Variants in USP42 observed in about 807,000 individuals in gnomAD.
USP42 encodes ubiquitin specific peptidase 42, also known as ubiquitin carboxyl-terminal hydrolase 42.
Under a neutral mutation model 113.0 loss-of-function variants are expected in USP42, and 23 were observed. That is an observed-to-expected ratio of 0.20 (90% CI 0.15 to 0.29). The LOEUF is 0.29. Ranked by LOEUF, USP42 falls within the 10% of genes least tolerant of loss-of-function variation. The pLI, the probability that USP42 is intolerant of heterozygous loss-of-function variation, is 1.00. For missense variants in USP42, 2,174 were observed against 1,779.8 expected, an observed-to-expected ratio of 1.22 and a Z score of -3.99; for synonymous variants, 933 against 699.0, an observed-to-expected ratio of 1.33 and a Z score of -5.28.
At chr7:6,110,109 T>C (rs966747590) in intron 1 of USP42, among the ~76,000 whole-genome samples, 2 of 150,012 alleles carry the variant, frequency 1.3e-5, no homozygotes, top group African/African-American at 2.5e-5. Context: ...GCTGCAATTA[T>C]AGGCATGAGC....
At chr7:6,140,323 T>A in intron 6 of USP42, 128 bp downstream of exon 6, 1 of 865,578 alleles carries the variant, frequency 1.2e-6, no homozygotes, top group South Asian at 1.7e-5. Context: ...TTCTCATTCC[T>A]TTTACCCAGA....
At position 6,150,237 on chromosome 7, in the gene USP42, T is replaced by G; in HGVS notation, c.2041T>G (p.Cys681Gly). Residue 681 changes from cysteine (C) to glycine (G), a missense_variant, in exon 13 of 18, where the codon TGC becomes GGC. Physicochemically the swap from Cys to Gly is radical, Grantham distance 159 (BLOSUM62 -3). Coordinates refer to ENST00000306177, the MANE Select transcript of USP42 (RefSeq NM_032172.3). Reference protein sequence around the residue: ...ENGLAPDGASCQGQPALHSEN... With the variant: ...ENGLAPDGASGQGQPALHSEN... ...CGGCCTAGCGCCTGATGGTGCCAGC[T>G]GCCAAGGCCAGCCTGCCCTGCACTC... The G allele has an allele frequency of 6.2e-7, 1 of 1,613,872 alleles. No homozygotes were observed. Among genetic ancestry groups the G allele is most frequent in the Non-Finnish European group, 8.5e-7 (1 of 1,179,892 alleles).
chr7:6,126,977 A>C (rs1780579635), intron 3 of USP42, among the ~76,000 whole-genome samples: 2 of 152,262 alleles, frequency 1.3e-5, no homozygotes, highest in Non-Finnish European at 2.9e-5. Flanking sequence ...GCTTCCTTGC[A>C]TCTTTGCCAA....
chr7:6,099,092 C>T, the USP42 span, among the ~76,000 whole-genome samples: 4 of 149,816 alleles, frequency 2.7e-5, no homozygotes, highest in African/African-American at 2.5e-5. Flanking sequence ...AGTCCTCTGC[C>T]TGGTTTTCAG....
Position 6,159,926 on chromosome 7 carries a change from G to A in USP42, c.*36+433G>A, listed in dbSNP as rs557631931. The stretch of plus-strand genomic sequence containing the variant: ...TCCCCTGTGCTGCTGTCTGCGCCCC[G>A]AGGTGGCACTGAGCTGGAGCCAGCA... On this transcript the variant is annotated intron_variant, in intron 17 of 17. Coordinates refer to ENST00000306177, the MANE Select transcript of USP42 (RefSeq NM_032172.3). The surrounding 1 kb of genome is among the most constrained non-coding windows in gnomAD (Gnocchi z 4.1). 3.3e-5 allele frequency among the ~76,000 whole-genome samples: 5 copies of A among 152,314 alleles called. No homozygotes were observed. The East Asian group carries it at 9.6e-4, about 29-fold the overall frequency.
At position 6,160,637 on chromosome 7, in the gene USP42, GCTT is replaced by G. The variant is rs1463300855; in HGVS notation, c.*123_*125del. 2 of 152,612 alleles carry G rather than the reference GCTT, an allele frequency of 1.3e-5. No homozygotes were observed. Among genetic ancestry groups the G allele is most frequent in the South Asian group, 2.1e-4 (1 of 4,836 alleles). 9.5% of individuals were successfully genotyped at this position (152,612 alleles called of 1,614,324 possible). The stretch of plus-strand genomic sequence containing the variant: ...ATAACTCTGTTCCAATCTGCGTGGT[GCTT>G]CTTTAGTAAATACTGTACAGATTTT... On this transcript the variant is annotated 3_prime_UTR_variant, in exon 18 of 18. Transcript: ENST00000306177.
In USP42 at chr7:6,154,067, T is replaced by A; in HGVS notation, c.2513T>A (p.Met838Lys). The change falls in exon 15 of 18, where the codon ATG becomes AAG. Residue 838 changes from methionine to lysine, a missense_variant. Physicochemically the swap from Met to Lys is moderately conservative, Grantham distance 95 (BLOSUM62 -1). Transcript: ENST00000306177. ...CCGTTGTCCCAGGACGCAAAGGGGA[T>A]GATCGCGGAGGGCCCGCGGGACTCG... is the stretch of plus-strand genomic sequence containing the variant. Reference protein sequence around the residue: ...ASPLSQDAKGMIAEGPRDSAL... With the variant: ...ASPLSQDAKGKIAEGPRDSAL... 6.2e-7 allele frequency: 1 copy of A among 1,606,142 alleles called. No individual in the cohort carries two copies. Among genetic ancestry groups the A allele is most frequent in the Non-Finnish European group, 8.5e-7 (1 of 1,179,294 alleles).
At chr7:6,100,190 T>G (rs1056858710), upstream of USP42, among the ~76,000 whole-genome samples, 9 of 150,006 alleles carry the variant, frequency 6.0e-5, no homozygotes, top group Admixed American at 2.0e-4. Flanking sequence ...TCCTATATCC[T>G]CAAAAACCAG....
chr7:6,082,641 C>G, the USP42 span, among the ~76,000 whole-genome samples: 10 of 120,306 alleles, frequency 8.3e-5, no homozygotes, highest in African/African-American at 3.1e-4. Context: ...GACACTGTCT[C>G]CCTCTGTCAC....
At chr7:6,108,077 T>A (rs1313497832) in intron 1 of USP42, among the ~76,000 whole-genome samples, 2 of 152,036 alleles carry the variant, frequency 1.3e-5, no homozygotes, top group East Asian at 3.9e-4. Context: ...CCAGCTACCC[T>A]GGAGGCTGAG....
At position 6,154,915 on chromosome 7, in the gene USP42, G is replaced by A; in HGVS notation, c.3361G>A (p.Ala1121Thr). 4 of 1,548,384 alleles carry A rather than the reference G, an allele frequency of 2.6e-6. No homozygotes were observed. Among genetic ancestry groups the A allele is most frequent in the Non-Finnish European group, 3.5e-6 (4 of 1,145,704 alleles). The change falls in exon 15 of 18, where the codon GCG (alanine) becomes ACG (threonine). Residue 1121 changes from alanine (A) to threonine (T), a missense_variant. Coordinates refer to ENST00000306177, the MANE Select transcript of USP42 (RefSeq NM_032172.3). Reference sequence around the variant, plus strand: ...CCGCCCCAGCAGCCCCCGCGCAGGCGCGCCCCACGCCCTCGCCCCGCACCC... The same window carrying A: ...CCGCCCCAGCAGCCCCCGCGCAGGCACGCCCCACGCCCTCGCCCCGCACCC... The part of the protein sequence containing the change: ...RHRPSSPRAG[A>T]PHALAPHPDR...
intron 3 of USP42, among the ~76,000 whole-genome samples, 190 bp from the exon 4 acceptor site, chr7:6,135,651 C>CAAAAAAAAAAAAAA (rs1173165919): frequency 7.4e-4 from 12 of 16,138 alleles, no homozygotes; most frequent in South Asian, 2.8e-3. Context: ...GACTCCATCT[C>CAAAAAAAAAAAAAA]AAAAAAAAAA....
At chr7:6,140,585 C>A (rs1781378925) in intron 6 of USP42, among the ~76,000 whole-genome samples, 1 of 152,140 alleles carries the variant, frequency 6.6e-6, no homozygotes, top group Admixed American at 6.5e-5. Flanking sequence ...TGCTTTATGT[C>A]TGGGTAAAAA....
At chr7:6,125,183 CAAAAAAA>C (rs56776147) in intron 3 of USP42, among the ~76,000 whole-genome samples, 1 of 38,722 alleles carries the variant, frequency 2.6e-5, no homozygotes, top group Non-Finnish European at 5.5e-5. Flanking sequence ...TCTGTCTCAA[CAAAAAAA>C]AAAAAAAAAA....
chr7:6,105,517 G>C (rs1779228761), intron 1 of USP42, among the ~76,000 whole-genome samples: 1 of 64,834 alleles, frequency 1.5e-5, no homozygotes, highest in Admixed American at 1.9e-4. Context: ...AGCCCCCTCA[G>C]AGCCCCGGGC....
At chr7:6,141,041 C>G (rs576244552) in intron 7 of USP42, 57 bp downstream of exon 7, 1 of 877,036 alleles carries the variant, frequency 1.1e-6, no homozygotes, top group Admixed American at 2.6e-5. Context: ...TTTTATGTAA[C>G]TGTAGTTCAT....
Position 6,156,866 on chromosome 7 carries a change from A to G in USP42, c.3754A>G (p.Lys1252Glu). 1 of 1,611,618 alleles carries G rather than the reference A, an allele frequency of 6.2e-7. No homozygotes were observed. Among genetic ancestry groups the G allele is most frequent in the Non-Finnish European group, 8.5e-7 (1 of 1,179,322 alleles). Residue 1252 changes from lysine to glutamate, a missense_variant, in exon 16 of 18, where the codon AAA becomes GAA. Transcript: ENST00000306177. Reference protein sequence around the residue: ...RHSRKSEDFVKDSELHLPRVT... With the variant: ...RHSRKSEDFVEDSELHLPRVT... ...TTCAAGAAAATCAGAGGACTTTGTT[A>G]AAGATTCAGAACTGCACTTACCCAG...
At chr7:6,129,412 C>A (rs1231541812) in intron 3 of USP42, among the ~76,000 whole-genome samples, 1 of 150,952 alleles carries the variant, frequency 6.6e-6, no homozygotes, top group Non-Finnish European at 1.5e-5. Context: ...AAAAGATTAG[C>A]CAGGCATGGT....
At chr7:6,126,969 T>G (rs1361665240) in intron 3 of USP42, among the ~76,000 whole-genome samples, 1 of 152,264 alleles carries the variant, frequency 6.6e-6, no homozygotes, top group African/African-American at 2.4e-5. Context: ...GAGTTCCAGC[T>G]TCCTTGCATC....
Sources: allele counts gnomAD v4.1 joint callset (sites outside exome capture counted in the v4.1 genomes callset), GRCh38; gene constraint gnomAD v4.1.1; non-coding constraint Gnocchi (gnomAD v3.1); transcripts MANE v1.5; gene names NCBI Gene and HGNC (gene_info 2026-07-23, HGNC 2026-07-21).